The following CSMD1 variants were observed in gnomAD, a reference collection of about 807,000 sequenced individuals.
CSMD1 encodes the protein CUB and sushi domain-containing protein 1.
In CSMD1, 213 loss-of-function variants were observed where a neutral mutation model predicts 417.5. The observed-to-expected ratio is 0.51, with a 90% CI of 0.46 to 0.57. The LOEUF (loss-of-function observed/expected upper bound fraction) is 0.57. CSMD1 is among the 20% of genes least tolerant of loss of function. CSMD1 has a pLI of 0.00. For synonymous variants in CSMD1, 2,862 were observed against 1,736.8 expected, an observed-to-expected ratio of 1.65 and a Z score of -16.11; for missense variants, 6,923 against 4,529.7, an observed-to-expected ratio of 1.53 and a Z score of -15.17.
chr8:3,552,857 A>C (rs1798977054), intron 10 of CSMD1, among the ~76,000 whole-genome samples: 1 of 152,152 alleles, frequency 6.6e-6, no homozygotes, highest in African/African-American at 2.4e-5. Context: ...TAAGTTATAA[A>C]AGATTTACTT....
intron 1 of CSMD1, among the ~76,000 whole-genome samples, chr8:4,933,682 G>C (rs1378484567): frequency 6.6e-6 from 1 of 152,186 alleles, no homozygotes; most frequent in Non-Finnish European, 1.5e-5. Flanking sequence ...AGGAAGGAAG[G>C]AAAGATAAAT....
rs573605687 is a variant in CSMD1 at position 3,491,208 on chromosome 8, G to T, written c.1448+2415C>A. 5.3e-5 allele frequency among the ~76,000 whole-genome samples: 8 copies of T among 152,268 alleles called. No homozygotes were observed. The South Asian group carries it at 1.7e-3, about 32-fold the overall frequency. On this transcript the variant is annotated intron_variant, in intron 11 of 69. Coordinates refer to ENST00000635120, the MANE Select transcript of CSMD1 (RefSeq NM_033225.6). ...AGGTAAAAAGCATGGTAGGTCCACA[G>T]GCGATAAAGACTCAAGATCCTGGAG...
chr8:4,579,319 A>AACAT (rs143610926), intron 2 of CSMD1, among the ~76,000 whole-genome samples: 53,809 of 149,262 alleles, frequency 0.36, 9,706 homozygotes, highest in Non-Finnish European at 0.38. Context: ...GTGAAGTTTA[A>AACAT]ACATACATAC....
chr8:4,341,212 T>G (rs1360823068), intron 3 of CSMD1, among the ~76,000 whole-genome samples: 1 of 152,062 alleles, frequency 6.6e-6, no homozygotes, highest in African/African-American at 2.4e-5. Context: ...AAGGCAAGTT[T>G]CCATGGTACT....
intron 61 of CSMD1, among the ~76,000 whole-genome samples, chr8:2,962,195 G>A (rs1014487365): frequency 2.0e-5 from 3 of 152,172 alleles, no homozygotes; most frequent in Admixed American, 6.5e-5. Context: ...GGCAGTTAAG[G>A]TAGACAGCGG....
intron 3 of CSMD1, among the ~76,000 whole-genome samples, chr8:4,250,427 C>A (rs997798130): frequency 6.6e-6 from 1 of 152,084 alleles, no homozygotes; most frequent in African/African-American, 2.4e-5. Context: ...AGCCACTGCT[C>A]CCTGGGGAAC....
intron 25 of CSMD1, among the ~76,000 whole-genome samples, chr8:3,285,802 A>C (rs1203982022): frequency 6.6e-6 from 1 of 151,716 alleles, no homozygotes; most frequent in Non-Finnish European, 1.5e-5. Context: ...TGAAGTTGTA[A>C]TGTAATATCC....
intron 7 of CSMD1, among the ~76,000 whole-genome samples, chr8:3,628,107 C>G (rs1004489644): frequency 1.3e-5 from 2 of 152,094 alleles, no homozygotes; most frequent in Non-Finnish European, 2.9e-5. Flanking sequence ...TAGAAAAAGA[C>G]CGGCAGTGTT....
At chr8:4,858,000 A>G (rs1428648749) in intron 1 of CSMD1, among the ~76,000 whole-genome samples, 1 of 152,186 alleles carries the variant, frequency 6.6e-6, no homozygotes. Context: ...ATGAACATTG[A>G]CGCAAAAATC....
chr8:3,209,380 G>C (rs897744809), intron 30 of CSMD1, among the ~76,000 whole-genome samples: 2 of 152,050 alleles, frequency 1.3e-5, no homozygotes, highest in African/African-American at 4.8e-5. Context: ...ACAGTGGCGT[G>C]ATCTCGGCTC....
intron 12 of CSMD1, among the ~76,000 whole-genome samples, chr8:3,427,809 C>T (rs967511341): frequency 1.3e-5 from 2 of 152,196 alleles, no homozygotes; most frequent in Non-Finnish European, 2.9e-5. Context: ...TAAAAACCCT[C>T]TCTAGAGGAC....
intron 23 of CSMD1, among the ~76,000 whole-genome samples, chr8:3,338,450 T>A (rs923647403): frequency 1.3e-5 from 2 of 152,164 alleles, no homozygotes; most frequent in Non-Finnish European, 2.9e-5. Context: ...GAATTCAGGA[T>A]AGTGATGAGG....
intron 3 of CSMD1, among the ~76,000 whole-genome samples, chr8:4,143,139 T>C (rs1454855866): frequency 8.2e-6 from 1 of 121,930 alleles, no homozygotes; most frequent in Non-Finnish European, 1.8e-5. Flanking sequence ...TTAGCATTTC[T>C]AGAGAAACAA....
rs201233859 is a variant in CSMD1 at position 3,097,013 on chromosome 8, C to T, written c.6974G>A (p.Arg2325Gln). 8.9e-5 allele frequency: 138 copies of T among 1,549,126 alleles called. 1 individual carries two copies. Among genetic ancestry groups the T allele is most frequent in the African/African-American group, 5.9e-4 (43 of 73,112 alleles). Residue 2325 changes from arginine (R) to glutamine (Q), a missense_variant, in exon 47 of 70, where the codon CGG becomes CAG. Physicochemically the swap from Arg to Gln is conservative, Grantham distance 43 (BLOSUM62 1). Transcript: ENST00000635120. Reference sequence around the variant, plus strand: ...GAGAATGACTCCCGATGATCCAGTCCGGACTTCATTTGCTGGGCATTGTGC... The same window carrying T: ...GAGAATGACTCCCGATGATCCAGTCTGGACTTCATTTGCTGGGCATTGTGC... ...CEAQCPANEV[R>Q]TGSSGVILSP...
At chr8:3,573,434 A>G (rs1032925009) in intron 10 of CSMD1, among the ~76,000 whole-genome samples, 2 of 152,238 alleles carry the variant, frequency 1.3e-5, no homozygotes, top group African/African-American at 4.8e-5. Context: ...ATACTGAGAA[A>G]TACCAGAATC....
At chr8:4,201,326 C>T (rs917201936) in intron 3 of CSMD1, among the ~76,000 whole-genome samples, 1 of 152,008 alleles carries the variant, frequency 6.6e-6, no homozygotes, top group African/African-American at 2.4e-5. Flanking sequence ...ATCACGAGGT[C>T]AGGAGATCGA....
intron 5 of CSMD1, among the ~76,000 whole-genome samples, chr8:3,859,630 A>G (rs1299181503): frequency 6.6e-6 from 1 of 152,178 alleles, no homozygotes; most frequent in African/African-American, 2.4e-5. Flanking sequence ...TTTGGTTTAC[A>G]TGACGTCAGT....
chr8:3,375,797 C>T (rs1348099669), intron 18 of CSMD1, among the ~76,000 whole-genome samples: 1 of 152,258 alleles, frequency 6.6e-6, no homozygotes, highest in East Asian at 1.9e-4. Flanking sequence ...TGGCCATAGA[C>T]CAGCACTCGA....
chr8:4,932,347 A>G (rs1237787788), intron 1 of CSMD1, among the ~76,000 whole-genome samples: 1 of 152,144 alleles, frequency 6.6e-6, no homozygotes, highest in Admixed American at 6.6e-5. Context: ...TAGAAAAAAA[A>G]AAACACTCAA....
Sources: allele counts gnomAD v4.1 joint callset (sites outside exome capture counted in the v4.1 genomes callset), GRCh38; gene constraint gnomAD v4.1.1; transcripts MANE v1.5; gene names NCBI Gene and HGNC (gene_info 2026-07-23, HGNC 2026-07-21).